FECH: variants seen among roughly 807,000 people sequenced by gnomAD.
The protein encoded by FECH is ferrochelatase, also known as ferrochelatase, mitochondrial.
Under a neutral mutation model 56.9 loss-of-function variants are expected in FECH, and 40 were observed. That is an observed-to-expected ratio of 0.70 (90% CI 0.55 to 0.92). The LOEUF (loss-of-function observed/expected upper bound fraction) is 0.92. FECH is among the 40% of genes least tolerant of loss of function. FECH has a pLI of 0.00. For missense variants in FECH, 431 were observed against 529.1 expected (o/e 0.81, Z 1.82); for synonymous variants, 175 against 198.6 (o/e 0.88, Z 1.00).
In FECH at chr18:57,566,578, G is replaced by A. The variant is rs1332676457; in HGVS notation, c.467C>T (p.Pro156Leu). The A allele has an allele frequency of 1.9e-6, 3 of 1,614,106 alleles. No homozygotes were observed. Among genetic ancestry groups the A allele is most frequent in the East Asian group, 2.2e-5 (1 of 44,890 alleles). The change falls in exon 5 of 11, where the codon CCT (proline) becomes CTT (leucine). Residue 156 changes from proline (P) to leucine (L), a missense_variant. Coordinates refer to ENST00000262093, the MANE Select transcript of FECH (RefSeq NM_000140.5). ...CCGAAATCCAATATAGTATTTGTGAGGGGCTATTAGGAAGCACATGTGGAA... is the reference window on the plus strand; with the variant it reads ...CCGAAATCCAATATAGTATTTGTGAAGGGCTATTAGGAAGCACATGTGGAA... ...LLDELSPNTA[P>L]HKYYIGFRYV...
Position 57,573,273 on chromosome 18 carries a change from C to A in FECH, c.287G>T (p.Arg96Leu). The A allele has an allele frequency of 6.2e-7, 1 of 1,613,560 alleles. No individual in the cohort carries two copies. ...CTGAATAGGAAGTGTCATGAGGTCT[C>A]GGTCCAAGAAGAGTCTCAGAAGGAA... Reference protein sequence around the residue: ...HDFLLRLFLDRDLMTLPIQNK... With the variant: ...HDFLLRLFLDLDLMTLPIQNK... Residue 96 changes from arginine to leucine, a missense_variant, in exon 3 of 11, where the codon CGA (arginine) becomes CTA (leucine). Physicochemically the swap from Arg to Leu is moderately radical, Grantham distance 102 (BLOSUM62 -2). Coordinates refer to ENST00000262093, the MANE Select transcript of FECH (RefSeq NM_000140.5).
At chr18:57,581,632 C>A (rs977039297) in intron 1 of FECH, among the ~76,000 whole-genome samples, 27 of 152,202 alleles carry the variant, frequency 1.8e-4, no homozygotes, top group African/African-American at 5.5e-4. Context: ...GCAATGTGAC[C>A]TGGGGCCAGG....
Position 57,550,309 on chromosome 18 carries a change from T to C in FECH, c.*403A>G. On this transcript the variant is annotated 3_prime_UTR_variant, in exon 11 of 11. Transcript: ENST00000262093. ...GTGTTCATTTAAAAAACAGCAACTA[T>C]ATGCACGAGACTAAACAGATCTCAT... 5.9e-6 allele frequency: 1 copy of C among 168,794 alleles called. No individual in the cohort carries two copies. The highest frequency in any genetic ancestry group is 1.5e-4 in the South Asian group (1 of 6,598). 10.5% of individuals were successfully genotyped at this position (168,794 alleles called of 1,614,324 possible).
intron 7 of FECH, among the ~76,000 whole-genome samples, chr18:57,556,780 G>A (rs758405831): frequency 2.0e-5 from 3 of 151,670 alleles, no homozygotes; most frequent in Non-Finnish European, 4.4e-5. Context: ...GTGTGGTGGT[G>A]TGCACCTGTA....
rs747730645 is a variant in FECH at position 57,557,435 on chromosome 18, C to T, written c.804+1710G>A. Among the ~76,000 whole-genome samples, 69 of 152,276 alleles carry T rather than the reference C, an allele frequency of 4.5e-4. 1 individual carries two copies. Among genetic ancestry groups the T allele is most frequent in the African/African-American group, 5.5e-4 (23 of 41,552 alleles). ...AGCCAAACCTGGAAGCAGCGTGCTCCGTCCCCAGGTGAAAGAATAAGGAAG... is the reference window on the plus strand; with the variant it reads ...AGCCAAACCTGGAAGCAGCGTGCTCTGTCCCCAGGTGAAAGAATAAGGAAG... On this transcript the variant is annotated intron_variant, in intron 7 of 10. Transcript: ENST00000262093.
chr18:57,561,140 C>T lies in FECH; in HGVS notation c.705+1734G>A, dbSNP rs145356526. On this transcript the variant is annotated intron_variant, in intron 6 of 10. Coordinates refer to ENST00000262093, the MANE Select transcript of FECH (RefSeq NM_000140.5). ...CCCACTGCAAGGTTTATACAGGAGCCTAGAAGATAAATTTGCTCCAATTAA... is the reference window on the plus strand; with the variant it reads ...CCCACTGCAAGGTTTATACAGGAGCTTAGAAGATAAATTTGCTCCAATTAA... 5.3e-5 allele frequency among the ~76,000 whole-genome samples: 8 copies of T among 152,172 alleles called. No individual in the cohort carries two copies. The East Asian group carries it at 1.5e-3, about 29-fold the overall frequency.
intron 9 of FECH, among the ~76,000 whole-genome samples, chr18:57,553,675 GTATTTGT>G (rs770651592): frequency 6.6e-6 from 1 of 152,198 alleles, no homozygotes; most frequent in Non-Finnish European, 1.5e-5. Context: ...ACCAAAGATG[GTATTTGT>G]TATTTCAATA....
chr18:57,571,567 G>A lies in FECH; in HGVS notation c.315-27C>T. On this transcript the variant is annotated intron_variant, in intron 3 of 10. Coordinates refer to ENST00000262093, the MANE Select transcript of FECH (RefSeq NM_000140.5). ...TAAATCATTTAACATACAGGTAAGT[G>A]GATTTTATTCCAGCTTAGCAACCTG... 3 of 1,613,820 alleles carry A rather than the reference G, an allele frequency of 1.9e-6. No individual in the cohort carries two copies. In the South Asian group the frequency reaches 3.3e-5, roughly 18 times the overall value.
intron 4 of FECH, among the ~76,000 whole-genome samples, 190 bp from the exon 5 acceptor site, chr18:57,566,771 G>A (rs1233477027): frequency 1.3e-5 from 2 of 152,056 alleles, no homozygotes; most frequent in Non-Finnish European, 2.9e-5. Flanking sequence ...AACTTTTAAT[G>A]ATGACTTTCT....
chr18:57,546,115 A>G lies in FECH; in HGVS notation c.*4597T>C, dbSNP rs147684323. Among the ~76,000 whole-genome samples the G allele has an allele frequency of 2.2e-3, 333 of 152,272 alleles. 2 individuals are homozygous for G. Among genetic ancestry groups the G allele is most frequent in the African/African-American group, 7.7e-3 (322 of 41,552 alleles). On this transcript the variant is annotated 3_prime_UTR_variant, in exon 11 of 11. Transcript: ENST00000262093. ...TCTTATTCCAGCTTGTGACATCTCA[A>G]TGAATTTCCCATTTCCACCTAACGT...
intron 4 of FECH, among the ~76,000 whole-genome samples, chr18:57,570,759 C>T (rs145707161): frequency 4.9e-4 from 74 of 152,252 alleles, no homozygotes; most frequent in African/African-American, 1.7e-3. Flanking sequence ...ATTGTGTCTT[C>T]GATGTGTTTA....
rs138546879 is a variant in FECH, at chr18:57,555,253, C to T, written c.805-301G>A. ...CTAAAGAGGATGGTTCTCTCTCCCT[C>T]ATCCAATAGATGAAGAAGACACAGA... On this transcript the variant is annotated intron_variant, in intron 7 of 10. Transcript: ENST00000262093. Among the ~76,000 whole-genome samples the T allele has an allele frequency of 2.1e-3, 319 of 152,338 alleles. 2 individuals are homozygous for T. The highest frequency in any genetic ancestry group is 6.5e-3 in the African/African-American group (272 of 41,576).
At chr18:57,581,910 C>T (rs72940381) in intron 1 of FECH, among the ~76,000 whole-genome samples, 23,993 of 152,066 alleles carry the variant, frequency 0.16, 2,163 homozygotes, top group Non-Finnish European at 0.2. Context: ...CACAGCCAAT[C>T]ATGTCAGCTT....
Position 57,562,963 on chromosome 18 carries a change from T to C in FECH, c.616A>G (p.Ile206Val), listed in dbSNP as rs775872691. The change falls in exon 6 of 11, where the codon ATT becomes GTT. Residue 206 changes from isoleucine (I) to valine (V), a missense_variant. Ile to Val is a conservative substitution (Grantham distance 29, BLOSUM62 3). Coordinates refer to ENST00000262093, the MANE Select transcript of FECH (RefSeq NM_000140.5). ...CCCACTTGATTATAGTATCTGTAAA[T>C]GGCATTTAAGCTGCTGCCTGAAATA... ...CSTTGSSLNA[I>V]YRYYNQVGRK... The C allele has an allele frequency of 3.5e-5, 56 of 1,613,946 alleles. No homozygotes were observed. The highest frequency in any genetic ancestry group is 4.7e-5 in the Non-Finnish European group (55 of 1,179,978).
chr18:57,577,153 C>T (rs1214147995), intron 2 of FECH, among the ~76,000 whole-genome samples: 1 of 152,174 alleles, frequency 6.6e-6, no homozygotes, highest in Non-Finnish European at 1.5e-5. Flanking sequence ...CTTCATTAAA[C>T]CTCTAAGACA....
chr18:57,568,066 A>G (rs969968893), intron 4 of FECH, among the ~76,000 whole-genome samples: 1 of 152,214 alleles, frequency 6.6e-6, no homozygotes, highest in African/African-American at 2.4e-5. Flanking sequence ...AAAAACCGCC[A>G]ACTATTACAA....
chr18:57,577,976 C>T (rs993608881), intron 2 of FECH, among the ~76,000 whole-genome samples: 6 of 151,626 alleles, frequency 4.0e-5, no homozygotes, highest in Admixed American at 6.6e-5. Flanking sequence ...GTTGCCTATC[C>T]GTATTCTCTA....
chr18:57,563,246 G>C (rs2050969268), intron 5 of FECH, among the ~76,000 whole-genome samples: 1 of 152,182 alleles, frequency 6.6e-6, no homozygotes. Flanking sequence ...GTAAAGTTAT[G>C]AAATATAAGC....
intron 2 of FECH, 57 bp downstream of exon 2, chr18:57,580,016 T>C (rs751341414): frequency 1.6e-5 from 26 of 1,610,276 alleles, no homozygotes; most frequent in Non-Finnish European, 2.1e-5. Context: ...CTTGTGTCTA[T>C]TGGTGTCTGC....
Sources: gnomAD v4.1 joint callset for allele counts (sites outside exome capture counted in the v4.1 genomes callset) on GRCh38, gnomAD v4.1.1 for gene constraint, MANE v1.5 for transcripts, NCBI Gene and HGNC (gene_info 2026-07-23, HGNC 2026-07-21) for gene names.